The following RECQL4 variants were observed in gnomAD, a reference collection of about 807,000 sequenced individuals.
RECQL4 encodes the protein RecQ like helicase 4, also known as ATP-dependent DNA helicase Q4.
In RECQL4, 158 loss-of-function variants were observed where a neutral mutation model predicts 128.6. The observed-to-expected ratio is 1.23, with a 90% confidence interval of 1.08 to 1.40. The LOEUF is 1.40. Ranked by LOEUF, RECQL4 falls within the 40% of genes most tolerant of loss-of-function variation. The pLI, the probability that RECQL4 is intolerant of heterozygous loss-of-function variation, is 0.00. For synonymous variants in RECQL4, 996 were observed against 678.9 expected (o/e 1.47, Z -7.26); for missense variants, 2,293 against 1,649.8 (o/e 1.39, Z -6.75).
chr8:144,515,130 G>C lies in RECQL4; in HGVS notation c.1483+20C>G, dbSNP rs1304296728. On this transcript the variant is annotated intron_variant, in intron 8 of 20. Coordinates refer to ENST00000617875, the MANE Select transcript of RECQL4 (RefSeq NM_004260.4). ...GCAGCCTGGCCTCAGCCCAGCCTCA[G>C]CCCTGGCAGCCACGCTCACCAGACA... The C allele has an allele frequency of 1.3e-6, 2 of 1,570,280 alleles. No individual in the cohort carries two copies. The highest frequency in any genetic ancestry group is 1.7e-6 in the Non-Finnish European group (2 of 1,159,016).
chr8:144,517,383 G>A (rs1057282322), intron 3 of RECQL4, 31 bp downstream of exon 3: 5 of 1,540,338 alleles, frequency 3.2e-6, no homozygotes, highest in Admixed American at 3.9e-5. Context: ...CAGGGAAGTG[G>A]GAGGAGGCTG....
chr8:144,516,785 C>G (rs1815115960), intron 4 of RECQL4, 21 bp from the exon 5 acceptor site: 1 of 1,515,028 alleles, frequency 6.6e-7, no homozygotes, highest in African/African-American at 1.4e-5. Flanking sequence ...AACAACAGAA[C>G]AGCAGGAGGA....
rs749542193 is a variant in RECQL4, at chr8:144,513,955, G to A, written c.2031C>T (p.Ser677=). 9.4e-5 allele frequency: 146 copies of A among 1,560,108 alleles called. No homozygotes were observed. The highest frequency in any genetic ancestry group is 1.2e-4 in the Non-Finnish European group (133 of 1,152,914). The change falls in exon 12 of 21, where the codon TCC becomes TCT. Residue 677 remains serine, a synonymous_variant. Transcript: ENST00000617875. Reference sequence around the variant, plus strand: ...GGTCTGTGTCCCTGTCCATGGACACGGAAAGGTGCAGGTTGGTGGGAACTG... The same window carrying A: ...GGTCTGTGTCCCTGTCCATGGACACAGAAAGGTGCAGGTTGGTGGGAACTG... The part of the protein sequence containing the change: ...PAPVPTNLHL[S]VSMDRDTDQA...
chr8:144,517,455 C>A lies in RECQL4; in HGVS notation c.172G>T (p.Gly58Trp). ...LKRTTGQAGG[G>W]LRSSESLPAA... ...GGGAGCGACTCGGAGCTGCGGAGCC[C>A]GCCGCCGGCCTGGCCCGTGGTACGC... The change falls in exon 3 of 21, where the codon GGG becomes TGG. Residue 58 changes from glycine to tryptophan, a missense_variant. Gly to Trp is a radical substitution (Grantham distance 184). Transcript: ENST00000617875. 1 of 1,594,174 alleles carries A rather than the reference C, an allele frequency of 6.3e-7. No homozygotes were observed.
At position 144,512,574 on chromosome 8, in the gene RECQL4, A is replaced by C; in HGVS notation, c.2886-13T>G. On this transcript the variant is annotated splice_polypyrimidine_tract_variant and intron_variant, in intron 16 of 20. Transcript: ENST00000617875. ...CAAAGGGGGACACCTGTGCCCAGGG[A>C]AAAAGGGACATGTGGCCAACAGCCC... 1 of 1,611,900 alleles carries C rather than the reference A, an allele frequency of 6.2e-7. No individual in the cohort carries two copies. The highest frequency in any genetic ancestry group is 8.5e-7 in the Non-Finnish European group (1 of 1,179,314).
chr8:144,515,269 G>A, intron 7 of RECQL4, 27 bp from the exon 8 acceptor site: 1 of 1,608,116 alleles, frequency 6.2e-7, no homozygotes, highest in Non-Finnish European at 8.5e-7. Flanking sequence ...TGATCACCAT[G>A]ACTTGAGTCA....
At chr8:144,516,884 C>G (rs898654258) in intron 4 of RECQL4, 120 bp from the exon 5 acceptor site, 3 of 1,383,708 alleles carry the variant, frequency 2.2e-6, no homozygotes, top group African/African-American at 2.9e-5. Flanking sequence ...CAAGGCTGGA[C>G]TAGAAAGGGA....
At chr8:144,514,817 A>G in intron 9 of RECQL4, 119 bp downstream of exon 9, 2 of 1,293,786 alleles carry the variant, frequency 1.5e-6, no homozygotes, top group Non-Finnish European at 1.1e-6. Context: ...GACTGAGGCC[A>G]CAGACACCTT....
In RECQL4 at chr8:144,516,543, C is replaced by A. The variant is rs2130726206; in HGVS notation, c.576G>T (p.Gln192His). The A allele has an allele frequency of 6.2e-7, 1 of 1,610,116 alleles. No homozygotes were observed. The highest frequency in any genetic ancestry group is 8.5e-7 in the Non-Finnish European group (1 of 1,179,160). The change falls in exon 5 of 21, where the codon CAG (glutamine) becomes CAT (histidine). Residue 192 changes from glutamine (Q) to histidine (H), a missense_variant. Gln to His is a conservative substitution (Grantham distance 24). Coordinates refer to ENST00000617875, the MANE Select transcript of RECQL4 (RefSeq NM_004260.4). ...AATCTGGGACCTCACTGTGACATCG[C>A]TGTAACCAGCCAGGATCTAGGGAGC... ...RLGSLDPGWL[Q>H]RCHSEVPDFL...
In RECQL4 at chr8:144,516,933, G is replaced by C. The variant is rs574037136; in HGVS notation, c.354+117C>G. 4.8e-6 allele frequency: 7 copies of C among 1,459,358 alleles called. No individual in the cohort carries two copies. The East Asian group carries it at 1.6e-4, about 34-fold the overall frequency. The allele number at this position is 1,459,358 out of a possible 1,614,324, so 90.4% of individuals were successfully genotyped here. A position where few individuals can be genotyped will look rare whatever the true frequency, so the allele number is the denominator to read the frequency against. Reference sequence around the variant, plus strand: ...GCCCCGAGAAGCTCCCTGAAGACTCGTGCCCTGGTTGGCACAGGGGCCCGT... The same window carrying C: ...GCCCCGAGAAGCTCCCTGAAGACTCCTGCCCTGGTTGGCACAGGGGCCCGT... On this transcript the variant is annotated intron_variant, in intron 4 of 20. Transcript: ENST00000617875.
rs1366657913 is a variant in RECQL4, at chr8:144,512,403, T to C, written c.3044A>G (p.Glu1015Gly). Residue 1015 changes from glutamate to glycine, a missense_variant, in exon 17 of 21, where the codon GAG (glutamate) becomes GGG (glycine). Glu to Gly is a moderately conservative substitution (Grantham distance 98). Transcript: ENST00000617875. ...RALCQLQWDH[E>G]PRTGVRRGTG... is the part of the protein sequence containing the mutation. ...GGGGAGAGGCGCACCTGTCCTGGGCTCGTGGTCCCACTGCAGCTGGCAGAG... is the reference window on the plus strand; with the variant it reads ...GGGGAGAGGCGCACCTGTCCTGGGCCCGTGGTCCCACTGCAGCTGGCAGAG... The C allele has an allele frequency of 6.2e-7, 1 of 1,607,274 alleles. No individual in the cohort carries two copies. The highest frequency in any genetic ancestry group is 8.5e-7 in the Non-Finnish European group (1 of 1,176,230).
chr8:144,514,626 G>A (rs968204379), intron 9 of RECQL4, 101 bp from the exon 10 acceptor site: 1 of 1,262,242 alleles, frequency 7.9e-7, no homozygotes, highest in Admixed American at 2.2e-5. Flanking sequence ...TCCCTCAGGG[G>A]AGAGGAGAAC....
rs1371218064 is a variant in RECQL4, at chr8:144,511,557, T to A, written c.3503-2A>T. 2 of 1,611,954 alleles carry A rather than the reference T, an allele frequency of 1.2e-6. No individual in the cohort carries two copies. Among genetic ancestry groups the A allele is most frequent in the Non-Finnish European group, 1.7e-6 (2 of 1,179,400 alleles). Reference sequence around the variant, plus strand: ...CCTGGGCCGGGTAGCAGGGGCTTCCTACGGTGGAGCCAAGACACAGCCGTG... The same window carrying A: ...CCTGGGCCGGGTAGCAGGGGCTTCCAACGGTGGAGCCAAGACACAGCCGTG... On this transcript the variant is annotated splice_acceptor_variant, in intron 20 of 20. Transcript: ENST00000617875. LOFTEE classifies it high-confidence loss of function.
rs763114749 is a variant in RECQL4 at position 144,516,023 on chromosome 8, C to G, written c.1096G>C (p.Gly366Arg). 2 of 1,611,144 alleles carry G rather than the reference C, an allele frequency of 1.2e-6. No homozygotes were observed. The highest frequency in any genetic ancestry group is 2.7e-5 in the African/African-American group (2 of 74,908). Reference protein sequence around the residue: ...LNMKQKHYVRGRALRSRLLRK... With the variant: ...LNMKQKHYVRRRALRSRLLRK... ...AGGAGCCTGCTACGGAGTGCCCGGCCCCGCACGTAGTGTTTCTGCTTCATG... is the reference window on the plus strand; with the variant it reads ...AGGAGCCTGCTACGGAGTGCCCGGCGCCGCACGTAGTGTTTCTGCTTCATG... The change falls in exon 5 of 21, where the codon GGC becomes CGC. Residue 366 changes from glycine (G) to arginine (R), a missense_variant. Transcript: ENST00000617875.
intron 12 of RECQL4, 61 bp from the exon 13 acceptor site, chr8:144,513,773 GGAGT>G: frequency 1.4e-6 from 2 of 1,452,610 alleles, no homozygotes; most frequent in African/African-American, 1.5e-5. Context: ...TGTGCAGTGG[GGAGT>G]GAGGAGGGGT....
rs1827255071 is a variant in RECQL4 at position 144,511,771 on chromosome 8, G to A, written c.3412C>T (p.Gln1138Ter). 6.2e-7 allele frequency: 1 copy of A among 1,612,464 alleles called. No homozygotes were observed. The highest frequency in any genetic ancestry group is 1.3e-5 in the African/African-American group (1 of 74,952). Residue 1138 changes from glutamine to a stop codon, truncating the protein, a stop_gained, in exon 20 of 21, where the codon CAG (glutamine) becomes TAG (stop). Transcript: ENST00000617875. LOFTEE classifies it high-confidence loss of function. ...GQARLQDWEDQVRCDIRQFLS... is the reference protein window; with the variant it reads ...GQARLQDWED Reference sequence around the variant, plus strand: ...AACTGGCGGATGTCGCAGCGGACCTGGTCCTCCCAATCCTGGAGCTGTGTG... The same window carrying A: ...AACTGGCGGATGTCGCAGCGGACCTAGTCCTCCCAATCCTGGAGCTGTGTG...
At chr8:144,515,734 C>T (rs764548058) in intron 6 of RECQL4, 30 bp downstream of exon 6, 34 of 1,609,222 alleles carry the variant, frequency 2.1e-5, no homozygotes, top group South Asian at 6.6e-5. Flanking sequence ...CAGTGTTGGC[C>T]GGACCCACCC....
In RECQL4 at chr8:144,512,686, C is replaced by T. The variant is rs1827476523; in HGVS notation, c.2841G>A (p.Leu947=). The T allele has an allele frequency of 1.2e-6, 2 of 1,612,420 alleles. No individual in the cohort carries two copies. The highest frequency in any genetic ancestry group is 1.7e-5 in the Admixed American group (1 of 60,002). ...GCTGGGCAGGGCCCCCAGGGCAGTT[C>T]AGACGGCAATGGGTATAGGTGGTCG... ...LLATTYTHCR[L]NCPGGPAQLQ... The change falls in exon 16 of 21, where the codon CTG becomes CTA. Residue 947 remains leucine, a synonymous_variant. Transcript: ENST00000617875.
Position 144,513,128 on chromosome 8 carries a change from A to G in RECQL4, c.2474T>C (p.Leu825Pro), listed in dbSNP as rs1286406860. ...HLFLQPQGED[L>P]RELRRHVHAD... Reference sequence around the variant, plus strand: ...GTGCACATGTCTGCGCAGCTCTCGCAGGTCTTCGCCCTGCAGGGCAACTTT... The same window carrying G: ...GTGCACATGTCTGCGCAGCTCTCGCGGGTCTTCGCCCTGCAGGGCAACTTT... The change falls in exon 15 of 21, where the codon CTG (leucine) becomes CCG (proline). Residue 825 changes from leucine (L) to proline (P), a missense_variant. Physicochemically the swap from Leu to Pro is moderately conservative, Grantham distance 98. Coordinates refer to ENST00000617875, the MANE Select transcript of RECQL4 (RefSeq NM_004260.4). 1.4e-6 allele frequency: 2 copies of G among 1,436,078 alleles called. No individual in the cohort carries two copies. The highest frequency in any genetic ancestry group is 1.9e-6 in the Non-Finnish European group (2 of 1,078,858). The allele number at this position is 1,436,078 out of a possible 1,614,324, so 89.0% of individuals were successfully genotyped here.
Sources: allele counts gnomAD v4.1 joint callset, GRCh38; gene constraint gnomAD v4.1.1; transcripts MANE v1.5; gene names NCBI Gene and HGNC (gene_info 2026-07-23, HGNC 2026-07-21).